FAM50B: variants seen among roughly 807,000 people sequenced by gnomAD.
FAM50B encodes the protein protein FAM50B.
A neutral mutation model predicts 25.4 loss-of-function variants in FAM50B; 9 were observed. The observed-to-expected ratio is 0.35, with a 90% CI of 0.21 to 0.62. FAM50B has a LOEUF of 0.62. Among genes scored for constraint, FAM50B ranks in the 20% least tolerant of loss-of-function variants. The pLI is 0.73. For synonymous variants in FAM50B, 212 were observed against 204.3 expected (o/e 1.04, Z -0.32); for missense variants, 372 against 477.9 (o/e 0.78, Z 2.07).
chr6:3,831,894 A>G, the FAM50B span: 7 of 152,178 alleles, frequency 4.6e-5, no homozygotes, highest in Non-Finnish European at 8.8e-5. Flanking sequence ...CTCCACCCTC[A>G]TTGGTTAGTG....
the FAM50B span, among the ~76,000 whole-genome samples, chr6:3,837,894 C>G: frequency 6.6e-6 from 1 of 152,222 alleles, no homozygotes; most frequent in African/African-American, 2.4e-5. Flanking sequence ...GCAGAGCCCT[C>G]ATGACCCAAT....
chr6:3,838,593 G>A, the FAM50B span, among the ~76,000 whole-genome samples: 4 of 150,806 alleles, frequency 2.7e-5, no homozygotes, highest in African/African-American at 9.8e-5. Context: ...CCTGTAATCC[G>A]AGCACTTTGG....
Position 3,851,240 on chromosome 6 carries a change from T to C in FAM50B, c.*451T>C, listed in dbSNP as rs189772815. On this transcript the variant is annotated 3_prime_UTR_variant, in exon 2 of 2. Coordinates refer to ENST00000648326, the MANE Select transcript of FAM50B (RefSeq NM_012135.3). ...AAGGAAATAACAAGAGCACTTACTTTATAAGATTGATGTGAGTATTAAGTG... is the reference window on the plus strand; with the variant it reads ...AAGGAAATAACAAGAGCACTTACTTCATAAGATTGATGTGAGTATTAAGTG... 315 of 193,592 alleles carry C rather than the reference T, an allele frequency of 1.6e-3. No individual in the cohort carries two copies. The highest frequency in any genetic ancestry group is 2.9e-3 in the South Asian group (22 of 7,468). The allele number at this position is 193,592 out of a possible 1,614,324, so 12.0% of individuals were successfully genotyped here.
At chr6:3,834,359 C>CAAAAAAAAAAAAAAAAAAAGA in the FAM50B span, among the ~76,000 whole-genome samples, 6 of 75,010 alleles carry the variant, frequency 8.0e-5, no homozygotes, top group Non-Finnish European at 9.0e-5. Context: ...TGATATATGG[C>CAAAAAAAAAAAAAAAAAAAGA]AAAAAAAAAA....
chr6:3,851,180 A>G lies in FAM50B; in HGVS notation c.*391A>G. On this transcript the variant is annotated 3_prime_UTR_variant, in exon 2 of 2. Transcript: ENST00000648326. ...TTGCTGTGTAGTTTTGGGTAAGCTTATTAAACCCCCATGCCTCAGTTTGGT... is the reference window on the plus strand; with the variant it reads ...TTGCTGTGTAGTTTTGGGTAAGCTTGTTAAACCCCCATGCCTCAGTTTGGT... 1 of 225,142 alleles carries G rather than the reference A, an allele frequency of 4.4e-6. No homozygotes were observed. The highest frequency in any genetic ancestry group is 5.2e-5 in the Admixed American group (1 of 19,090). The allele number at this position is 225,142 out of a possible 1,614,324, so 13.9% of individuals were successfully genotyped here. A position where few individuals can be genotyped will look rare whatever the true frequency, so the allele number is the denominator to read the frequency against.
chr6:3,848,732 C>T (rs1054570884), upstream of FAM50B, among the ~76,000 whole-genome samples: 20 of 152,190 alleles, frequency 1.3e-4, no homozygotes, highest in African/African-American at 4.8e-4. Context: ...ATGTTAGAGG[C>T]TCACAGTAAA....
chr6:3,838,705 G>T, the FAM50B span, among the ~76,000 whole-genome samples: 1 of 152,058 alleles, frequency 6.6e-6, no homozygotes, highest in Admixed American at 6.5e-5. Context: ...AGCAGGCATG[G>T]TGTTGGGCAC....
At chr6:3,833,713 C>G in the FAM50B span, 1 of 152,204 alleles carries the variant, frequency 6.6e-6, no homozygotes, top group Non-Finnish European at 1.5e-5. Context: ...AGTAAGACAG[C>G]ATGTAGCCCC....
the FAM50B span, among the ~76,000 whole-genome samples, chr6:3,837,320 T>G: frequency 6.6e-6 from 1 of 152,296 alleles, no homozygotes; most frequent in African/African-American, 2.4e-5. Flanking sequence ...GCAAATCACA[T>G]GCCTGATGAA....
chr6:3,839,335 T>C, the FAM50B span, among the ~76,000 whole-genome samples: 1 of 152,096 alleles, frequency 6.6e-6, no homozygotes, highest in African/African-American at 2.4e-5. Flanking sequence ...AGAACATTCA[T>C]CTATTCGTGA....
Position 3,850,943 on chromosome 6 carries a change from T to C in FAM50B, c.*154T>C. ...TTCACATTGGTTGTGCTATTGCTGA[T>C]GTTATGCTTTGGTTGCTTGGTTGGT... On this transcript the variant is annotated 3_prime_UTR_variant, in exon 2 of 2. Transcript: ENST00000648326. The C allele has an allele frequency of 7.9e-7, 1 of 1,268,310 alleles. No homozygotes were observed. The highest frequency in any genetic ancestry group is 2.5e-5 in the East Asian group (1 of 39,342). 78.6% of individuals were successfully genotyped at this position (1,268,310 alleles called of 1,614,324 possible). A position where few individuals can be genotyped will look rare whatever the true frequency, so the allele number is the denominator to read the frequency against.
rs1762197688 is a variant in FAM50B at position 3,850,362 on chromosome 6, A to T, written c.551A>T (p.Glu184Val). ...EAQREKVKDEEMEVTFSYWDG... is the reference protein window; with the variant it reads ...EAQREKVKDEVMEVTFSYWDG... The stretch of plus-strand genomic sequence containing the variant: ...CAGCGCGAGAAAGTGAAGGACGAGG[A>T]GATGGAGGTCACCTTCAGCTACTGG... The change falls in exon 2 of 2, where the codon GAG (glutamate) becomes GTG (valine). Residue 184 changes from glutamate (E) to valine (V), a missense_variant. Physicochemically the swap from Glu to Val is moderately radical, Grantham distance 121 (BLOSUM62 -2). Around this residue, in one of 4 missense-constraint regions of FAM50B, gnomAD observed 224 missense variants for 232.2 expected, o/e 0.96. Coordinates refer to ENST00000648326, the MANE Select transcript of FAM50B (RefSeq NM_012135.3). 6.2e-7 allele frequency: 1 copy of T among 1,613,428 alleles called. No homozygotes were observed. The highest frequency in any genetic ancestry group is 8.5e-7 in the Non-Finnish European group (1 of 1,179,908).
chr6:3,840,149 T>C, the FAM50B span, among the ~76,000 whole-genome samples: 30 of 151,974 alleles, frequency 2.0e-4, no homozygotes, highest in East Asian at 9.9e-4. Flanking sequence ...CACACCACCA[T>C]GCCCAACTAA....
chr6:3,849,750 G>A (rs1265293451), intron 1 of FAM50B, 39 bp from the exon 2 acceptor site: 2 of 1,515,824 alleles, frequency 1.3e-6, no homozygotes, highest in South Asian at 1.3e-5. Flanking sequence ...CGTTGCGTGG[G>A]CCCCCCTCTA....
At chr6:3,839,310 TCTC>T in the FAM50B span, among the ~76,000 whole-genome samples, 2 of 151,762 alleles carry the variant, frequency 1.3e-5, no homozygotes, top group East Asian at 3.9e-4. Flanking sequence ...AGCTCACTCA[TCTC>T]CTCCCCCAGG....
Position 3,850,417 on chromosome 6 carries a change from G to C in FAM50B, c.606G>C (p.Arg202=). The change falls in exon 2 of 2, where the codon CGG becomes CGC. Residue 202 remains arginine, a synonymous_variant. Coordinates refer to ENST00000648326, the MANE Select transcript of FAM50B (RefSeq NM_012135.3). ...GCTCGGGCCACCGGCGCACGGTGCGGGTGCGCAAGGGCAACACGGTGCAGC... is the reference window on the plus strand; with the variant it reads ...GCTCGGGCCACCGGCGCACGGTGCGCGTGCGCAAGGGCAACACGGTGCAGC... ...WDGSGHRRTV[R]VRKGNTVQQF... is the part of the protein sequence containing the mutation. 1 of 1,613,398 alleles carries C rather than the reference G, an allele frequency of 6.2e-7. No individual in the cohort carries two copies. The highest frequency in any genetic ancestry group is 1.1e-5 in the South Asian group (1 of 91,072).
the FAM50B span, among the ~76,000 whole-genome samples, chr6:3,842,816 G>A: frequency 1.3e-5 from 2 of 152,202 alleles, no homozygotes; most frequent in Non-Finnish European, 2.9e-5. Context: ...AACATTTGCT[G>A]TACGTTTCTA....
the FAM50B span, among the ~76,000 whole-genome samples, chr6:3,835,633 G>A: frequency 2.0e-5 from 3 of 152,306 alleles, no homozygotes; most frequent in Admixed American, 6.5e-5. Flanking sequence ...CTTGTTTCAC[G>A]TCTTGTGATC....
At chr6:3,837,464 G>A in the FAM50B span, among the ~76,000 whole-genome samples, 1 of 152,108 alleles carries the variant, frequency 6.6e-6, no homozygotes, top group Admixed American at 6.5e-5. Context: ...GTAAGTACAT[G>A]AAAAAATGCT....
Sources: allele counts gnomAD v4.1 joint callset (sites outside exome capture counted in the v4.1 genomes callset), GRCh38; gene constraint gnomAD v4.1.1; regional missense constraint gnomAD v4.1.1; transcripts MANE v1.5; gene names NCBI Gene and HGNC (gene_info 2026-07-23, HGNC 2026-07-21).